PSMG2: variants seen among roughly 807,000 people sequenced by gnomAD.
The protein encoded by PSMG2 is proteasome assembly chaperone 2.
PSMG2 carries 21 observed loss-of-function variants against 31.5 expected under a neutral mutation model. The ratio of observed to expected loss-of-function variants is 0.67; its 90% CI spans 0.47 to 0.96. The LOEUF is 0.96. PSMG2 is among the 40% of genes least tolerant of loss of function. The probability of loss-of-function intolerance (pLI) is 0.00; values close to 1 mark genes in which losing one functional copy is unlikely to be tolerated. For missense variants in PSMG2, 318 were observed against 321.2 expected, an observed-to-expected ratio of 0.99 and a Z score of 0.08; for synonymous variants, 120 against 110.4, an observed-to-expected ratio of 1.09 and a Z score of -0.54.
chr18:12,711,132 C>T (rs1479666723), intron 2 of PSMG2, among the ~76,000 whole-genome samples: 1 of 151,872 alleles, frequency 6.6e-6, no homozygotes, highest in Non-Finnish European at 1.5e-5. Context: ...ATTAGCCAGG[C>T]GTGGTGGTGT....
chr18:12,707,741 C>A (rs2040284321), intron 2 of PSMG2, among the ~76,000 whole-genome samples: 1 of 152,188 alleles, frequency 6.6e-6, no homozygotes. Flanking sequence ...TTCTGTTTAC[C>A]ATTTTAAGGT....
intron 1 of PSMG2, among the ~76,000 whole-genome samples, chr18:12,666,474 C>T (rs930808617): frequency 7.5e-6 from 1 of 133,820 alleles, no homozygotes. Flanking sequence ...GGGTCTCCCT[C>T]TGTTGCCCAG....
upstream of PSMG2, chr18:12,700,849 T>TAA: frequency 1.3e-6 from 1 of 767,946 alleles, no homozygotes; most frequent in Non-Finnish European, 2.1e-6. Flanking sequence ...AGAATGACCT[T>TAA]GAAGTGGTTT....
intron 3 of PSMG2, among the ~76,000 whole-genome samples, chr18:12,716,050 C>T (rs1407249879): frequency 6.6e-6 from 1 of 152,156 alleles, no homozygotes; most frequent in East Asian, 1.9e-4. Flanking sequence ...TTGCGGGGTT[C>T]ACCCATGTTG....
At chr18:12,688,163 G>A (rs377754978) in intron 1 of PSMG2, among the ~76,000 whole-genome samples, 2 of 150,474 alleles carry the variant, frequency 1.3e-5, no homozygotes, top group African/African-American at 2.5e-5. Context: ...TCTGGGAGGC[G>A]GAGCTTGCAG....
chr18:12,698,180 A>G (rs1356817901), upstream of PSMG2, among the ~76,000 whole-genome samples: 1 of 151,598 alleles, frequency 6.6e-6, no homozygotes, highest in Non-Finnish European at 1.5e-5. Context: ...ATTTGTAAGT[A>G]TTTATAAAAA....
chr18:12,720,648 G>C lies in PSMG2; in HGVS notation c.546G>C (p.Pro182=), dbSNP rs200304573. 6.2e-6 allele frequency: 10 copies of C among 1,612,716 alleles called. No individual in the cohort carries two copies. The African/African-American group carries it at 1.3e-4, about 22-fold the overall frequency. Residue 182 remains proline (P), a synonymous_variant, in exon 5 of 7, where the codon CCG becomes CCC. Transcript: ENST00000317615. The stretch of plus-strand genomic sequence containing the variant: ...ATTCCGAGTTTTGTATCCGCATTCC[G>C]GGAGGAGGTATCACAAAAACACTCT... ...IDDSEFCIRI[P]GGGITKTLYD... is the part of the protein sequence containing the mutation.
intron 1 of PSMG2, chr18:12,686,519 AT>A: frequency 8.9e-7 from 1 of 1,129,854 alleles, no homozygotes. Flanking sequence ...TTTCAAATAC[AT>A]TAATGTAGGA....
chr18:12,705,980 T>G (rs891458555), intron 1 of PSMG2, among the ~76,000 whole-genome samples: 7 of 152,242 alleles, frequency 4.6e-5, no homozygotes, highest in African/African-American at 1.7e-4. Context: ...GCATGAACTT[T>G]TGTTGGTTTA....
chr18:12,686,412 A>C, intron 1 of PSMG2: 1 of 1,614,036 alleles, frequency 6.2e-7, no homozygotes, highest in East Asian at 2.2e-5. Context: ...GAAGTGGTTT[A>C]ACATAGGAAC....
intron 2 of PSMG2, among the ~76,000 whole-genome samples, chr18:12,708,162 C>T (rs1032368229): frequency 6.6e-6 from 1 of 152,092 alleles, no homozygotes; most frequent in Non-Finnish European, 1.5e-5. Flanking sequence ...GTCCCAACCT[C>T]TTAGGAGGCT....
At chr18:12,665,435 G>A (rs1350486042) in intron 1 of PSMG2, among the ~76,000 whole-genome samples, 1 of 152,084 alleles carries the variant, frequency 6.6e-6, no homozygotes, top group African/African-American at 2.4e-5. Flanking sequence ...GAACAGTTCT[G>A]TTAACCTGAA....
At chr18:12,676,422 G>GCAC (rs1490279810) in intron 1 of PSMG2, among the ~76,000 whole-genome samples, 1 of 150,938 alleles carries the variant, frequency 6.6e-6, no homozygotes, top group Non-Finnish European at 1.5e-5. Flanking sequence ...CTACAGGCAT[G>GCAC]CACCACCACA....
In PSMG2 at chr18:12,717,848, A is replaced by C. The variant is rs112518210; in HGVS notation, c.289-669A>C. On this transcript the variant is annotated intron_variant, in intron 3 of 6. Coordinates refer to ENST00000317615, the MANE Select transcript of PSMG2 (RefSeq NM_020232.5). The stretch of plus-strand genomic sequence containing the variant: ...TTCCATGTGACCAGATTCGGGTCAC[A>C]AATTTCTGGCAAGAACCCTTCACAG... Among the ~76,000 whole-genome samples the C allele has an allele frequency of 9.3e-3, 1,417 of 152,316 alleles. 25 individuals carry two copies. The highest frequency in any genetic ancestry group is 0.033 in the African/African-American group (1,352 of 41,570).
chr18:12,702,872 CCTTG>C (rs1341692610), upstream of PSMG2: 2 of 574,978 alleles, frequency 3.5e-6, no homozygotes, highest in African/African-American at 4.0e-5. Context: ...CACCCCATCG[CCTTG>C]CTTGCCAGGG....
intron 1 of PSMG2, among the ~76,000 whole-genome samples, chr18:12,675,830 G>A (rs574392422): frequency 2.0e-4 from 30 of 151,814 alleles, no homozygotes; most frequent in Non-Finnish European, 3.5e-4. Flanking sequence ...CACCATGCCC[G>A]GCTAATTTTT....
At chr18:12,690,747 G>A (rs1287670411) in intron 1 of PSMG2, among the ~76,000 whole-genome samples, 8 of 152,112 alleles carry the variant, frequency 5.3e-5, no homozygotes, top group Admixed American at 1.3e-4. Flanking sequence ...GAGCCACCGC[G>A]CCTAGCTGAC....
chr18:12,698,414 C>T (rs1246645255), upstream of PSMG2, among the ~76,000 whole-genome samples: 3 of 152,110 alleles, frequency 2.0e-5, no homozygotes, highest in Non-Finnish European at 4.4e-5. Context: ...GGTGACCCAC[C>T]TGCCTTGGCC....
At chr18:12,683,620 G>A (rs1363341908) in intron 1 of PSMG2, among the ~76,000 whole-genome samples, 3 of 150,930 alleles carry the variant, frequency 2.0e-5, no homozygotes, top group African/African-American at 4.9e-5. Flanking sequence ...GGGTGGTGGC[G>A]GGCACCTGTA....
Sources: allele counts gnomAD v4.1 joint callset (sites outside exome capture counted in the v4.1 genomes callset), GRCh38; gene constraint gnomAD v4.1.1; transcripts MANE v1.5; gene names NCBI Gene and HGNC (gene_info 2026-07-23, HGNC 2026-07-21).